The following PABPC4L variants were observed in gnomAD, a reference collection of about 807,000 sequenced individuals.
PABPC4L encodes the protein poly(A) binding protein cytoplasmic 4 like, also known as polyadenylate-binding protein 4-like.
For missense variants in PABPC4L, 452 were observed against 451.4 expected (o/e 1.00, Z -0.01); for synonymous variants, 169 against 164.1 (o/e 1.03, Z -0.23).
chr4:133,968,382 G>A, the PABPC4L span, among the ~76,000 whole-genome samples: 1 of 152,196 alleles, frequency 6.6e-6, no homozygotes. Flanking sequence ...CGTGATAAAT[G>A]TCAAGTTCTT....
the PABPC4L span, among the ~76,000 whole-genome samples, chr4:134,107,925 C>T: frequency 2.6e-5 from 4 of 151,276 alleles, no homozygotes; most frequent in African/African-American, 9.7e-5. Flanking sequence ...TTATTCTATT[C>T]ATTTTTGAAC....
the PABPC4L span, among the ~76,000 whole-genome samples, chr4:134,007,672 A>G: frequency 6.6e-6 from 1 of 151,762 alleles, no homozygotes; most frequent in East Asian, 1.9e-4. Context: ...CATCCTATCT[A>G]CTACACCCAA....
At chr4:134,025,976 T>C in the PABPC4L span, among the ~76,000 whole-genome samples, 1 of 152,152 alleles carries the variant, frequency 6.6e-6, no homozygotes, top group African/African-American at 2.4e-5. Flanking sequence ...AAGTAATACA[T>C]TTTTCCACTA....
At chr4:134,074,389 G>A in the PABPC4L span, among the ~76,000 whole-genome samples, 1 of 152,106 alleles carries the variant, frequency 6.6e-6, no homozygotes, top group Non-Finnish European at 1.5e-5. Flanking sequence ...TTTGGTCAAA[G>A]CCATTCAACA....
chr4:134,072,195 C>G, the PABPC4L span, among the ~76,000 whole-genome samples: 3 of 152,112 alleles, frequency 2.0e-5, no homozygotes, highest in Non-Finnish European at 4.4e-5. Flanking sequence ...CTATCAAATG[C>G]ATTGTCCCAT....
At chr4:134,158,802 T>C in the PABPC4L span, among the ~76,000 whole-genome samples, 1 of 152,080 alleles carries the variant, frequency 6.6e-6, no homozygotes, top group Non-Finnish European at 1.5e-5. Flanking sequence ...AATGGCATCA[T>C]TAGGCAACTT....
At chr4:134,079,107 G>C in the PABPC4L span, among the ~76,000 whole-genome samples, 1 of 151,064 alleles carries the variant, frequency 6.6e-6, no homozygotes, top group Admixed American at 6.6e-5. Flanking sequence ...AAGTAGCTGG[G>C]ACTACAGGTG....
At chr4:134,156,073 G>C in the PABPC4L span, among the ~76,000 whole-genome samples, 2 of 151,926 alleles carry the variant, frequency 1.3e-5, no homozygotes, top group African/African-American at 4.8e-5. Context: ...AGTGTTATCT[G>C]TCGGAGCCTG....
downstream of PABPC4L, among the ~76,000 whole-genome samples, chr4:134,195,160 C>T (rs1481483735): frequency 6.6e-6 from 1 of 151,546 alleles, no homozygotes; most frequent in African/African-American, 2.4e-5. Context: ...AATAATGTGT[C>T]AAAACAATCT....
chr4:134,093,393 A>G, the PABPC4L span, among the ~76,000 whole-genome samples: 108 of 151,566 alleles, frequency 7.1e-4, no homozygotes, highest in African/African-American at 2.5e-3. Context: ...TTATTCTGGT[A>G]TGTGCTTTTT....
chr4:134,038,304 C>G, the PABPC4L span, among the ~76,000 whole-genome samples: 1 of 152,014 alleles, frequency 6.6e-6, no homozygotes, highest in African/African-American at 2.4e-5. Context: ...GTGTCTCTGC[C>G]AGGTTTTGGT....
the PABPC4L span, among the ~76,000 whole-genome samples, chr4:134,005,357 A>G: frequency 0.016 from 2,483 of 151,970 alleles, 76 homozygotes; most frequent in African/African-American, 0.056. Context: ...AATAATGAGT[A>G]TTTTTATCTT....
the PABPC4L span, among the ~76,000 whole-genome samples, chr4:134,069,219 G>T: frequency 6.6e-6 from 1 of 152,020 alleles, no homozygotes; most frequent in African/African-American, 2.4e-5. Context: ...TCCCTCTATA[G>T]GTAACATGCC....
chr4:134,005,315 A>T, the PABPC4L span, among the ~76,000 whole-genome samples: 1 of 151,832 alleles, frequency 6.6e-6, no homozygotes, highest in South Asian at 2.1e-4. Context: ...ATATGGTTTG[A>T]CCTGGAAACT....
At chr4:134,141,580 T>G in the PABPC4L span, among the ~76,000 whole-genome samples, 73,176 of 150,898 alleles carry the variant, frequency 0.48, 21,293 homozygotes, top group East Asian at 0.96. Context: ...AATTAATGTC[T>G]TGTTATTGTT....
At chr4:134,180,257 T>C in the PABPC4L span, among the ~76,000 whole-genome samples, 575 of 151,824 alleles carry the variant, frequency 3.8e-3, 2 homozygotes, top group African/African-American at 0.013. Context: ...TACAATAATA[T>C]GGAAACTTAA....
the PABPC4L span, among the ~76,000 whole-genome samples, chr4:134,075,134 G>C: frequency 2.6e-5 from 4 of 152,166 alleles, no homozygotes; most frequent in African/African-American, 9.6e-5. Flanking sequence ...ATATTTCCAA[G>C]ATTTCAAATA....
chr4:134,001,992 G>A, the PABPC4L span, among the ~76,000 whole-genome samples: 1 of 151,968 alleles, frequency 6.6e-6, no homozygotes, highest in East Asian at 1.9e-4. Context: ...ATGGCAATGA[G>A]ATATTGATTA....
the PABPC4L span, among the ~76,000 whole-genome samples, chr4:134,115,359 G>T: frequency 6.6e-6 from 1 of 151,788 alleles, no homozygotes; most frequent in Non-Finnish European, 1.5e-5. Flanking sequence ...TTGCCTGAGT[G>T]TATGTGTGTA....
Sources: allele counts gnomAD v4.1 joint callset (sites outside exome capture counted in the v4.1 genomes callset), GRCh38; gene constraint gnomAD v4.1.1; transcripts MANE v1.5; gene names NCBI Gene and HGNC (gene_info 2026-07-23, HGNC 2026-07-21).